Variants in P2RX3 observed in about 807,000 individuals in gnomAD.
P2RX3 encodes P2X purinoceptor 3.
P2RX3 carries 41 observed loss-of-function variants against 51.5 expected under a neutral mutation model. The ratio of observed to expected loss-of-function variants is 0.80; its 90% confidence interval spans 0.62 to 1.03. The LOEUF (loss-of-function observed/expected upper bound fraction) is 1.03. Among genes scored for constraint, P2RX3 ranks in the 50% least tolerant of loss-of-function variants. P2RX3 has a pLI of 0.00. For synonymous variants in P2RX3, 185 were observed against 191.6 expected, an observed-to-expected ratio of 0.97 and a Z score of 0.29; for missense variants, 459 against 522.1, an observed-to-expected ratio of 0.88 and a Z score of 1.18.
chr11:57,358,703 GT>G (rs1856667912), intron 8 of P2RX3, among the ~76,000 whole-genome samples: 1 of 152,138 alleles, frequency 6.6e-6, no homozygotes, highest in Non-Finnish European at 1.5e-5. Flanking sequence ...AGGAAGGGCT[GT>G]GGAAATTTGG....
intron 8 of P2RX3, among the ~76,000 whole-genome samples, chr11:57,358,605 C>T (rs1856666335): frequency 6.6e-6 from 1 of 152,100 alleles, no homozygotes; most frequent in African/African-American, 2.4e-5. Context: ...CCTCAGTTTC[C>T]TCCTCTGTAA....
rs546317049 is a variant in P2RX3 at position 57,371,828 on chromosome 11, G to A, written c.*1831G>A. Among the ~76,000 whole-genome samples, 1 of 152,312 alleles carries A rather than the reference G, an allele frequency of 6.6e-6. No homozygotes were observed. Among genetic ancestry groups the A allele is most frequent in the African/African-American group, 2.4e-5 (1 of 41,566 alleles). On this transcript the variant is annotated 3_prime_UTR_variant, in exon 12 of 12. Coordinates refer to ENST00000263314, the MANE Select transcript of P2RX3 (RefSeq NM_002559.5). The stretch of plus-strand genomic sequence containing the variant: ...TCCCTGGGGAATTCAGCTCTTGGGA[G>A]GCTGGGGTCACAGGGATTCTCTCTA...
rs569550617 is a variant in P2RX3 at position 57,350,097 on chromosome 11, C to G, written c.705+199C>G. ...GCAGAGCGATCTTGCCCCCCGCCTCCGCCGAGTCCACCTTCCTCAAGCCTC... is the reference window on the plus strand; with the variant it reads ...GCAGAGCGATCTTGCCCCCCGCCTCGGCCGAGTCCACCTTCCTCAAGCCTC... On this transcript the variant is annotated intron_variant, in intron 7 of 11. Coordinates refer to ENST00000263314, the MANE Select transcript of P2RX3 (RefSeq NM_002559.5). 8.5e-5 allele frequency among the ~76,000 whole-genome samples: 13 copies of G among 152,212 alleles called. No homozygotes were observed. The East Asian group carries it at 1.2e-3, about 14-fold the overall frequency.
intron 8 of P2RX3, among the ~76,000 whole-genome samples, chr11:57,355,735 C>A (rs1021315543): frequency 1.3e-5 from 2 of 152,214 alleles, no homozygotes; most frequent in African/African-American, 4.8e-5. Context: ...CATGGGAAGT[C>A]CCCTTCATTC....
intron 8 of P2RX3, among the ~76,000 whole-genome samples, chr11:57,367,546 C>T (rs1856815382): frequency 6.6e-6 from 1 of 152,148 alleles, no homozygotes; most frequent in South Asian, 2.1e-4. Context: ...CATGGTGAAA[C>T]CCTGTCTCTA....
At chr11:57,338,336 C>T (rs904517491), upstream of P2RX3, 2 of 404,540 alleles carry the variant, frequency 4.9e-6, no homozygotes, top group African/African-American at 4.0e-5. Flanking sequence ...AAAAGGGGGT[C>T]CCCCGCCCTG....
intron 7 of P2RX3, chr11:57,350,463 T>C (rs904198891): frequency 1.0e-5 from 3 of 291,520 alleles, no homozygotes; most frequent in African/African-American, 4.3e-5. Flanking sequence ...TTGGTATTTT[T>C]AGTAGAGTCA....
intron 6 of P2RX3, among the ~76,000 whole-genome samples, chr11:57,349,465 C>CAA (rs147483912): frequency 2.2e-3 from 302 of 139,046 alleles, no homozygotes; most frequent in African/African-American, 7.1e-3. Context: ...GACTCCGTCT[C>CAA]AAAAAAAAAA....
At chr11:57,363,683 A>G (rs375555740) in intron 8 of P2RX3, among the ~76,000 whole-genome samples, 1 of 152,204 alleles carries the variant, frequency 6.6e-6, no homozygotes, top group East Asian at 1.9e-4. Flanking sequence ...AGAGGAGATA[A>G]CCAGACCCTG....
intron 8 of P2RX3, among the ~76,000 whole-genome samples, chr11:57,362,329 A>T (rs1856733182): frequency 6.6e-6 from 1 of 152,174 alleles, no homozygotes; most frequent in African/African-American, 2.4e-5. Context: ...AAGGTATCGA[A>T]TGGTCCTGTC....
chr11:57,338,617 A>G lies in P2RX3; in HGVS notation c.67A>G (p.Ile23Val), dbSNP rs200080962. The change falls in exon 1 of 12, where the codon ATC becomes GTC. Residue 23 changes from isoleucine to valine, a missense_variant. Ile to Val is a conservative substitution (Grantham distance 29, BLOSUM62 3). Transcript: ENST00000263314. ...GTCGGTGGTTGTGAAGAGCTGGACC[A>G]TCGGGATCATCAACCGAGTAGTTCA... is the stretch of plus-strand genomic sequence containing the variant. ...TKSVVVKSWT[I>V]GIINRVVQLL... is the part of the protein sequence containing the mutation. 2 of 1,597,924 alleles carry G rather than the reference A, an allele frequency of 1.3e-6. No individual in the cohort carries two copies. The highest frequency in any genetic ancestry group is 1.3e-5 in the African/African-American group (1 of 74,818).
At chr11:57,359,102 G>A (rs1295228728) in intron 8 of P2RX3, among the ~76,000 whole-genome samples, 1 of 152,184 alleles carries the variant, frequency 6.6e-6, no homozygotes, top group Admixed American at 6.5e-5. Context: ...GAACAAAGTG[G>A]GAAGCCGTCA....
At position 57,368,014 on chromosome 11, in the gene P2RX3, C is replaced by T. The variant is rs1447059289; in HGVS notation, c.848C>T (p.Ala283Val). Residue 283 changes from alanine to valine, a missense_variant, in exon 9 of 12, where the codon GCC becomes GTC. By Grantham distance (64) the Ala-to-Val change is moderately conservative. Coordinates refer to ENST00000263314, the MANE Select transcript of P2RX3 (RefSeq NM_002559.5). ...TCTCTGCCTCTGACCTCCAGGTTTG[C>T]CAAGTACTACAAAATGGAAAATGGC... is the stretch of plus-strand genomic sequence containing the variant. ...SVSPGYNFRF[A>V]KYYKMENGSE... 1.2e-6 allele frequency: 2 copies of T among 1,613,896 alleles called. No individual in the cohort carries two copies. Among genetic ancestry groups the T allele is most frequent in the African/African-American group, 1.3e-5 (1 of 74,900 alleles).
At chr11:57,361,041 T>A (rs1169520048) in intron 8 of P2RX3, among the ~76,000 whole-genome samples, 1 of 152,014 alleles carries the variant, frequency 6.6e-6, no homozygotes, top group Non-Finnish European at 1.5e-5. Flanking sequence ...CAAGGTGAAG[T>A]CACTAAACAT....
upstream of P2RX3, among the ~76,000 whole-genome samples, chr11:57,337,692 G>A (rs552015510): frequency 1.3e-5 from 2 of 152,212 alleles, no homozygotes; most frequent in Non-Finnish European, 2.9e-5. Flanking sequence ...GAGTGGGGAG[G>A]GATAGCATTA....
intron 8 of P2RX3, among the ~76,000 whole-genome samples, chr11:57,355,001 G>A (rs372817830): frequency 1.3e-5 from 2 of 152,198 alleles, no homozygotes; most frequent in Non-Finnish European, 2.9e-5. Flanking sequence ...ACATGGAGAC[G>A]GACAGAGCTG....
At chr11:57,337,891 A>G (rs1856265109), upstream of P2RX3, among the ~76,000 whole-genome samples, 1 of 152,290 alleles carries the variant, frequency 6.6e-6, no homozygotes, top group South Asian at 2.1e-4. Context: ...CTACAGGTAG[A>G]GCGAAGCTCA....
At chr11:57,344,549 G>C (rs1421158995) in intron 1 of P2RX3, among the ~76,000 whole-genome samples, 2 of 152,068 alleles carry the variant, frequency 1.3e-5, no homozygotes, top group African/African-American at 2.4e-5. Context: ...AAACAAAAAA[G>C]TTAGCCAGGC....
At chr11:57,362,418 T>A (rs1455164667) in intron 8 of P2RX3, among the ~76,000 whole-genome samples, 1 of 152,204 alleles carries the variant, frequency 6.6e-6, no homozygotes, top group Non-Finnish European at 1.5e-5. Flanking sequence ...AAATCAAGGC[T>A]TGGGCATGGT....
Sources: allele counts gnomAD v4.1 joint callset (sites outside exome capture counted in the v4.1 genomes callset), GRCh38; gene constraint gnomAD v4.1.1; transcripts MANE v1.5; gene names NCBI Gene and HGNC (gene_info 2026-07-23, HGNC 2026-07-21).